Variants in THSD4 observed in about 807,000 individuals in gnomAD.
THSD4 encodes the protein thrombospondin type 1 domain containing 4.
THSD4 carries 69 observed loss-of-function variants against 119.0 expected under a neutral mutation model. The ratio of observed to expected loss-of-function variants is 0.58; its 90% CI spans 0.48 to 0.71. THSD4 has a LOEUF of 0.71. THSD4 is among the 30% of genes least tolerant of loss of function. The probability of loss-of-function intolerance (pLI) is 0.00; values close to 1 mark genes in which losing one functional copy is unlikely to be tolerated. For synonymous variants in THSD4, 524 were observed against 540.4 expected, an observed-to-expected ratio of 0.97 and a Z score of 0.42; for missense variants, 1,393 against 1,391.1, an observed-to-expected ratio of 1.00 and a Z score of -0.02.
rs57999390 is a variant in THSD4 at position 71,716,561 on chromosome 15, G to GGTGTGTGTGTGTGTGTGTGTGTGTGT, written c.1358-11968_1358-11967insGTGTGTGTGTGTGTGTGTGTGTGTGT. Among the ~76,000 whole-genome samples, 585 of 144,590 alleles carry GGTGTGTGTGTGTGTGTGTGTGTGTGT rather than the reference G, an allele frequency of 4.0e-3. 3 individuals carry two copies. The highest frequency in any genetic ancestry group is 6.9e-3 in the Non-Finnish European group (462 of 66,608). The allele number at this position is 144,590 out of a possible 152,430, so 94.9% of individuals were successfully genotyped here. A position where few individuals can be genotyped will look rare whatever the true frequency, so the allele number is the denominator to read the frequency against. The stretch of plus-strand genomic sequence containing the variant: ...TTCCTGTTTGTTTTATAGAGTGTGG[G>GGTGTGTGTGTGTGTGTGTGTGTGTGT]GTGTGTGTGTGTGTGTGTGTTGGTT... On this transcript the variant is annotated intron_variant, in intron 8 of 17. Coordinates refer to ENST00000261862, the MANE Select transcript of THSD4 (RefSeq NM_024817.3).
rs1040940999 is a variant in THSD4 at position 71,430,792 on chromosome 15, C to T, written c.1152+18969C>T. ...AAAAAAAAAAAAAAAAAGAGAGTTACATTCTTTACCTACCACGGGGCAGCC... is the reference window on the plus strand; with the variant it reads ...AAAAAAAAAAAAAAAAAGAGAGTTATATTCTTTACCTACCACGGGGCAGCC... On this transcript the variant is annotated intron_variant, in intron 7 of 17. Transcript: ENST00000261862. 1.7e-4 allele frequency among the ~76,000 whole-genome samples: 22 copies of T among 131,030 alleles called. No homozygotes were observed. The South Asian group carries it at 3.1e-3, about 18-fold the overall frequency. The allele number at this position is 131,030 out of a possible 152,430, so 86.0% of individuals were successfully genotyped here.
chr15:71,223,112 A>C (rs1232412488), intron 4 of THSD4, among the ~76,000 whole-genome samples: 1 of 152,088 alleles, frequency 6.6e-6, no homozygotes, highest in East Asian at 1.9e-4. Context: ...AGTTGTTTTG[A>C]CCTGCAGCAT....
At chr15:71,687,750 T>A (rs866775477) in intron 8 of THSD4, among the ~76,000 whole-genome samples, 8 of 77,578 alleles carry the variant, frequency 1.0e-4, no homozygotes, top group African/African-American at 2.2e-4. Context: ...AGTGAAACTC[T>A]GTCTCAAAAA....
At chr15:71,744,880 G>T (rs951818059) in intron 11 of THSD4, among the ~76,000 whole-genome samples, 1 of 152,106 alleles carries the variant, frequency 6.6e-6, no homozygotes, top group African/African-American at 2.4e-5. Context: ...ATTCCTTTTA[G>T]GGCAGGCTCT....
chr15:71,777,289 G>A lies in THSD4; in HGVS notation c.2972G>A (p.Cys991Tyr). The A allele has an allele frequency of 6.2e-7, 1 of 1,614,226 alleles. No homozygotes were observed. Among genetic ancestry groups the A allele is most frequent in the East Asian group, 2.2e-5 (1 of 44,876 alleles). Residue 991 changes from cysteine to tyrosine, a missense_variant, in exon 18 of 18, where the codon TGT becomes TAT. By Grantham distance (194) the Cys-to-Tyr change is radical (BLOSUM62 -2). Coordinates refer to ENST00000261862, the MANE Select transcript of THSD4 (RefSeq NM_024817.3). ...AACGTGGTGGTCCAGGCAAGACTCT[G>A]TGTCTACAACTACTACAAGACCGCC... is the stretch of plus-strand genomic sequence containing the variant. ...NCNVVVQARL[C>Y]VYNYYKTACC...
At chr15:71,526,016 CGG>C (rs2048513399) in intron 7 of THSD4, among the ~76,000 whole-genome samples, 3 of 152,144 alleles carry the variant, frequency 2.0e-5, no homozygotes, top group Admixed American at 2.0e-4. Flanking sequence ...CGACCCTATT[CGG>C]TTACATCTGC....
chr15:71,098,674 T>C (rs2040241978), intron 1 of THSD4, among the ~76,000 whole-genome samples: 1 of 152,210 alleles, frequency 6.6e-6, no homozygotes, highest in Non-Finnish European at 1.5e-5. Context: ...CGAAAATGAA[T>C]GCAGAATTAT....
chr15:71,329,855 T>A (rs1451884998), intron 6 of THSD4, among the ~76,000 whole-genome samples: 1 of 152,032 alleles, frequency 6.6e-6, no homozygotes, highest in Non-Finnish European at 1.5e-5. Flanking sequence ...CCAAGGTGGG[T>A]GAATCTCTTG....
At chr15:71,277,865 A>C (rs2140310792) in intron 6 of THSD4, among the ~76,000 whole-genome samples, 1 of 152,348 alleles carries the variant, frequency 6.6e-6, no homozygotes, top group South Asian at 2.1e-4. Context: ...AAGATGGCAC[A>C]TACAGTATTC....
chr15:71,668,098 T>C (rs577625031), intron 8 of THSD4, among the ~76,000 whole-genome samples: 1 of 152,328 alleles, frequency 6.6e-6, no homozygotes, highest in South Asian at 2.1e-4. Flanking sequence ...ATTTAGGTAC[T>C]TCCCTACTGA....
chr15:71,165,179 G>T, intron 3 of THSD4: 1 of 1,582,814 alleles, frequency 6.3e-7, no homozygotes, highest in Non-Finnish European at 8.7e-7. Context: ...CCCTTTGGGA[G>T]GGATGTAGGT....
intron 7 of THSD4, among the ~76,000 whole-genome samples, chr15:71,450,707 C>T (rs1334154590): frequency 6.6e-6 from 1 of 152,074 alleles, no homozygotes; most frequent in East Asian, 1.9e-4. Context: ...TGTGGCTTGC[C>T]CCTCACCCTT....
intron 3 of THSD4, chr15:71,188,698 G>A (rs1371552194): frequency 2.0e-5 from 3 of 152,538 alleles, no homozygotes; most frequent in African/African-American, 7.2e-5. Flanking sequence ...ATGTTCTGGT[G>A]TCTTGGTTTC....
At position 71,215,116 on chromosome 15, in the gene THSD4, C is replaced by G; in HGVS notation, c.181C>G (p.Pro61Ala). 1 of 1,351,892 alleles carries G rather than the reference C, an allele frequency of 7.4e-7. No individual in the cohort carries two copies. The highest frequency in any genetic ancestry group is 3.2e-5 in the Admixed American group (1 of 30,846). 83.7% of individuals were successfully genotyped at this position (1,351,892 alleles called of 1,614,324 possible). The change falls in exon 4 of 18, where the codon CCC (proline) becomes GCC (alanine). Residue 61 changes from proline (P) to alanine (A), a missense_variant. Pro to Ala is a conservative substitution (Grantham distance 27). Transcript: ENST00000261862. Reference protein sequence around the residue: ...GAPGVWGAWGPWSACSRSCSG... With the variant: ...GAPGVWGAWGAWSACSRSCSG... ...CCCGGGAGTGTGGGGCGCCTGGGGC[C>G]CCTGGTCGGCCTGCTCGCGTAGCTG...
At chr15:71,281,194 A>G (rs910938873) in intron 6 of THSD4, among the ~76,000 whole-genome samples, 5 of 152,254 alleles carry the variant, frequency 3.3e-5, no homozygotes, top group Non-Finnish European at 5.9e-5. Context: ...CGAGAAGTCT[A>G]CTTTGCAAGA....
chr15:71,121,119 C>T (rs949692123), intron 1 of THSD4, among the ~76,000 whole-genome samples: 3 of 147,454 alleles, frequency 2.0e-5, no homozygotes, highest in South Asian at 2.3e-4. Context: ...TGAAATGTCG[C>T]GTCTCTGATC....
chr15:71,501,994 T>C (rs777911232), intron 7 of THSD4, among the ~76,000 whole-genome samples: 10 of 152,252 alleles, frequency 6.6e-5, no homozygotes, highest in Non-Finnish European at 1.5e-4. Flanking sequence ...ATGTGGAACA[T>C]GTTTAAATAT....
At chr15:71,726,396 A>G (rs1178540899) in intron 8 of THSD4, among the ~76,000 whole-genome samples, 1 of 152,210 alleles carries the variant, frequency 6.6e-6, no homozygotes, top group East Asian at 1.9e-4. Flanking sequence ...AAGTTCTTAT[A>G]TTTTAGTGGT....
intron 8 of THSD4, among the ~76,000 whole-genome samples, chr15:71,677,582 C>T (rs929345280): frequency 1.1e-4 from 17 of 152,196 alleles, no homozygotes; most frequent in Non-Finnish European, 2.5e-4. Context: ...TTTACAGGGA[C>T]TTTCTTTTCA....
Sources: allele counts gnomAD v4.1 joint callset (sites outside exome capture counted in the v4.1 genomes callset), GRCh38; gene constraint gnomAD v4.1.1; transcripts MANE v1.5; gene names NCBI Gene and HGNC (gene_info 2026-07-23, HGNC 2026-07-21).